WNK1: variants seen among roughly 807,000 people sequenced by gnomAD.
The protein encoded by WNK1 is WNK lysine deficient protein kinase 1, also known as serine/threonine-protein kinase WNK1.
A neutral mutation model predicts 222.8 loss-of-function variants in WNK1; 38 were observed. The ratio of observed to expected loss-of-function variants is 0.17; its 90% confidence interval spans 0.13 to 0.22. The LOEUF is 0.22. WNK1 is among the 10% of genes least tolerant of loss of function. The probability of loss-of-function intolerance (pLI) is 1.00; values close to 1 mark genes in which losing one functional copy is unlikely to be tolerated. For missense variants in WNK1, 2,348 were observed against 2,918.4 expected (o/e 0.80, Z 4.50); for synonymous variants, 1,090 against 1,092.9 (o/e 1.00, Z 0.05).
At position 907,976 on chromosome 12, in the gene WNK1, C is replaced by T. The variant is rs1955845046; in HGVS notation, c.6773C>T (p.Ala2258Val). The change falls in exon 27 of 28, where the codon GCC (alanine) becomes GTC (valine). Residue 2258 changes from alanine to valine, a missense_variant. Coordinates refer to ENST00000315939, the MANE Select transcript of WNK1 (RefSeq NM_018979.4). Reference protein sequence around the residue: ...DDLHKLVDNWARDAMNLSGRR... With the variant: ...DDLHKLVDNWVRDAMNLSGRR... ...TTGCACAAGTTGGTAGACAATTGGG[C>T]CCGAGATGCCATGAATCTCTCAGGC... 1.2e-6 allele frequency: 2 copies of T among 1,613,988 alleles called. No individual in the cohort carries two copies. Among genetic ancestry groups the T allele is most frequent in the South Asian group, 1.1e-5 (1 of 91,080 alleles).
At chr12:852,548 G>A (rs1950494608) in intron 4 of WNK1, among the ~76,000 whole-genome samples, 1 of 152,190 alleles carries the variant, frequency 6.6e-6, no homozygotes, top group African/African-American at 2.4e-5. Context: ...AGTGGAATGA[G>A]AGGGCTGTAT....
At chr12:787,722 G>C (rs1394810216) in intron 1 of WNK1, among the ~76,000 whole-genome samples, 4 of 152,010 alleles carry the variant, frequency 2.6e-5, no homozygotes, top group Admixed American at 2.6e-4. Flanking sequence ...TCTGTCTTCT[G>C]CTGGGCTGAG....
At chr12:845,053 G>A (rs191953494) in intron 4 of WNK1, among the ~76,000 whole-genome samples, 3,505 of 150,644 alleles carry the variant, frequency 0.023, 141 homozygotes, top group African/African-American at 0.081. Flanking sequence ...CCGCCACTAC[G>A]CCCGGCTAAT....
intron 9 of WNK1, among the ~76,000 whole-genome samples, chr12:874,195 C>G (rs954694779): frequency 1.3e-5 from 2 of 151,934 alleles, no homozygotes; most frequent in Non-Finnish European, 2.9e-5. Flanking sequence ...ACCTACCCTA[C>G]TATCCATAAA....
In WNK1 at chr12:909,315, C is replaced by T. The variant is rs1267433974; in HGVS notation, c.*523C>T. The T allele has an allele frequency of 6.3e-6, 1 of 159,628 alleles. No homozygotes were observed. The highest frequency in any genetic ancestry group is 1.4e-5 in the Non-Finnish European group (1 of 72,308). 9.9% of individuals were successfully genotyped at this position (159,628 alleles called of 1,614,324 possible). A position where few individuals can be genotyped will look rare whatever the true frequency, so the allele number is the denominator to read the frequency against. Reference sequence around the variant, plus strand: ...GCTCTTTAGAACCCAGTGAAAAATACCAGGGTACTGGGGTGCAACTCTTTC... The same window carrying T: ...GCTCTTTAGAACCCAGTGAAAAATATCAGGGTACTGGGGTGCAACTCTTTC... On this transcript the variant is annotated 3_prime_UTR_variant, in exon 28 of 28. Coordinates refer to ENST00000315939, the MANE Select transcript of WNK1 (RefSeq NM_018979.4).
At chr12:759,225 A>G (rs1173851820) in intron 1 of WNK1, among the ~76,000 whole-genome samples, 1 of 147,270 alleles carries the variant, frequency 6.8e-6, no homozygotes, top group East Asian at 1.9e-4. Context: ...TTAGCATACT[A>G]TGAAATAATT....
chr12:890,255 A>G (rs1162914534), intron 21 of WNK1, among the ~76,000 whole-genome samples, 198 bp from the exon 22 acceptor site: 1 of 151,850 alleles, frequency 6.6e-6, no homozygotes, highest in Admixed American at 6.5e-5. Context: ...GCCTGGCCCT[A>G]AAAGGTGCCT....
At chr12:763,596 AAAAG>A (rs1174139051) in intron 1 of WNK1, among the ~76,000 whole-genome samples, 2 of 146,872 alleles carry the variant, frequency 1.4e-5, no homozygotes, top group African/African-American at 4.9e-5. Flanking sequence ...TCTCAAAAAA[AAAAG>A]AAAAAGTTAT....
intron 1 of WNK1, among the ~76,000 whole-genome samples, chr12:780,425 T>G (rs1018844415): frequency 6.6e-6 from 1 of 152,236 alleles, no homozygotes; most frequent in African/African-American, 2.4e-5. Context: ...GTCATAGTTA[T>G]GGCCACAGTT....
intron 1 of WNK1, among the ~76,000 whole-genome samples, chr12:799,297 A>ATT (rs202143100): frequency 1.1e-4 from 15 of 139,082 alleles, no homozygotes; most frequent in African/African-American, 2.6e-4. Flanking sequence ...TAATTTTTGT[A>ATT]TTTTTTTTTT....
intron 22 of WNK1, among the ~76,000 whole-genome samples, chr12:893,493 T>C (rs1954456716): frequency 6.6e-6 from 1 of 152,150 alleles, no homozygotes. Context: ...ACTCAAAGCA[T>C]TGTTCCCCGG....
chr12:764,781 T>TA (rs1232548965), intron 1 of WNK1, among the ~76,000 whole-genome samples: 5 of 146,278 alleles, frequency 3.4e-5, no homozygotes, highest in African/African-American at 1.2e-4. Context: ...GAGAAGCACA[T>TA]AAATACATGT....
intron 9 of WNK1, among the ~76,000 whole-genome samples, chr12:876,852 A>G (rs541281384): frequency 6.6e-6 from 1 of 152,248 alleles, no homozygotes; most frequent in African/African-American, 2.4e-5. Flanking sequence ...GAAAATGGCC[A>G]CTTACGCATA....
intron 26 of WNK1, chr12:901,475 A>G: frequency 1.1e-6 from 1 of 944,476 alleles, no homozygotes; most frequent in Non-Finnish European, 1.4e-6. Flanking sequence ...GCATTTCACC[A>G]CTCCAGCCTC....
Position 753,328 on chromosome 12 carries a change from C to T in WNK1, c.-238C>T. On this transcript the variant is annotated 5_prime_UTR_variant, in exon 1 of 28. Transcript: ENST00000315939. The surrounding 1 kb of genome is among the most constrained non-coding windows in gnomAD (Gnocchi z 5.2). Reference sequence around the variant, plus strand: ...CCCGTGGCTCAGCTCCCGAATCGCCCGCCTTCGAGCCCTCCTCGTGAGCCG... The same window carrying T: ...CCCGTGGCTCAGCTCCCGAATCGCCTGCCTTCGAGCCCTCCTCGTGAGCCG... 1.7e-6 allele frequency: 1 copy of T among 575,802 alleles called. No individual in the cohort carries two copies. The highest frequency in any genetic ancestry group is 3.0e-6 in the Non-Finnish European group (1 of 329,164). 35.7% of individuals were successfully genotyped at this position (575,802 alleles called of 1,614,324 possible).
At position 871,424 on chromosome 12, in the gene WNK1, A is replaced by G. The variant is rs1952136925; in HGVS notation, c.2223+76A>G. On this transcript the variant is annotated intron_variant, in intron 9 of 27. Coordinates refer to ENST00000315939, the MANE Select transcript of WNK1 (RefSeq NM_018979.4). ...TATTTTAACTTTTGTGATTTGTTAT[A>G]TAAATGGCCTGCTAAGTTTTTGAAA... The G allele has an allele frequency of 1.6e-5, 23 of 1,455,166 alleles. No homozygotes were observed. In the South Asian group the frequency reaches 2.5e-4, roughly 16 times the overall value. 90.1% of individuals were successfully genotyped at this position (1,455,166 alleles called of 1,614,324 possible).
At chr12:828,655 T>C (rs564878578) in intron 3 of WNK1, among the ~76,000 whole-genome samples, 1 of 152,172 alleles carries the variant, frequency 6.6e-6, no homozygotes, top group South Asian at 2.1e-4. Flanking sequence ...AATTGCCCCC[T>C]GTTGAGAATC....
At chr12:821,042 G>GTTTTTTTTTTTT (rs60880879) in intron 2 of WNK1, among the ~76,000 whole-genome samples, 5 of 79,110 alleles carry the variant, frequency 6.3e-5, no homozygotes, top group African/African-American at 6.6e-5. Flanking sequence ...AGTTTCTTGA[G>GTTTTTTTTTTTT]TTTTTTTTTT....
intron 27 of WNK1, chr12:908,265 A>C: frequency 1.3e-6 from 1 of 746,606 alleles, no homozygotes; most frequent in Admixed American, 2.4e-5. Context: ...GTCATCCTCA[A>C]CTACACACAC....
Sources: gnomAD v4.1 joint callset for allele counts (sites outside exome capture counted in the v4.1 genomes callset) on GRCh38, gnomAD v4.1.1 for gene constraint, Gnocchi (gnomAD v3.1) non-coding constraint, MANE v1.5 for transcripts, NCBI Gene and HGNC (gene_info 2026-07-23, HGNC 2026-07-21) for gene names.